Variants in NFKBIA observed in about 807,000 individuals in gnomAD.
NFKBIA encodes NFKB inhibitor alpha, also known as NF-kappa-B inhibitor alpha.
NFKBIA carries 10 observed loss-of-function variants against 36.3 expected under a neutral mutation model. The ratio of observed to expected loss-of-function variants is 0.28; its 90% CI spans 0.17 to 0.47. The LOEUF (loss-of-function observed/expected upper bound fraction) is 0.47, where lower values mean the gene tolerates loss of function less well. Ranked by LOEUF, NFKBIA falls within the 20% of genes least tolerant of loss-of-function variation. The pLI, the probability that NFKBIA is intolerant of heterozygous loss-of-function variation, is 0.99. For synonymous variants in NFKBIA, 205 were observed against 164.4 expected (o/e 1.25, Z -1.89); for missense variants, 355 against 399.3 (o/e 0.89, Z 0.94).
Position 35,404,634 on chromosome 14 carries a change from G to T in NFKBIA, c.11C>A (p.Ala4Glu). Residue 4 changes from alanine (A) to glutamate (E), a missense_variant, in exon 1 of 6, where the codon GCG becomes GAG. Transcript: ENST00000216797. ...GGCCCACTCCTGGGGGCGCTCGGCCGCCTGGAACATGGCGCGGACGAGCTG... is the reference window on the plus strand; with the variant it reads ...GGCCCACTCCTGGGGGCGCTCGGCCTCCTGGAACATGGCGCGGACGAGCTG... MFQAAERPQEWAME... is the reference protein window; with the variant it reads MFQEAERPQEWAME... 6.6e-7 allele frequency: 1 copy of T among 1,507,818 alleles called. No homozygotes were observed. Among genetic ancestry groups the T allele is most frequent in the Non-Finnish European group, 8.9e-7 (1 of 1,127,432 alleles). 93.4% of individuals were successfully genotyped at this position (1,507,818 alleles called of 1,614,324 possible).
Position 35,403,364 on chromosome 14 carries a change from C to T in NFKBIA, c.337-4G>A, listed in dbSNP as rs778736657. ...TCACAGCCAAGTGGAGTGGAGTCTA[C>T]GAATGCAAGAGAGACCAGAGAAAGT... On this transcript the variant is annotated splice_polypyrimidine_tract_variant and splice_region_variant and intron_variant, in intron 2 of 5. Transcript: ENST00000216797. 6 of 1,613,832 alleles carry T rather than the reference C, an allele frequency of 3.7e-6. No individual in the cohort carries two copies. In the South Asian group the frequency reaches 4.4e-5, roughly 12 times the overall value.
chr14:35,401,957 TAA>T lies in NFKBIA; in HGVS notation c.*54_*55del. The T allele has an allele frequency of 1.3e-6, 2 of 1,596,344 alleles. No individual in the cohort carries two copies. The highest frequency in any genetic ancestry group is 2.2e-5 in the South Asian group (2 of 89,732). ...CTTCTTTTTTCTTTTTTTAGAAAAA[TAA>T]AACTTTTTTTTTGTACAAATATACA... On this transcript the variant is annotated 3_prime_UTR_variant, in exon 6 of 6. Coordinates refer to ENST00000216797, the MANE Select transcript of NFKBIA (RefSeq NM_020529.3).
intron 3 of NFKBIA, 57 bp downstream of exon 3, chr14:35,403,093 C>A: frequency 1.9e-6 from 3 of 1,581,798 alleles, no homozygotes; most frequent in African/African-American, 2.7e-5. Flanking sequence ...CCACCTGCCC[C>A]TTCTCCACGT....
intron 1 of NFKBIA, 110 bp from the exon 2 acceptor site, chr14:35,403,908 G>C: frequency 2.5e-6 from 2 of 796,016 alleles, no homozygotes; most frequent in Non-Finnish European, 4.3e-6. Flanking sequence ...GGAGGCCGAG[G>C]CCGCGGTGTT....
chr14:35,402,178 T>C, intron 5 of NFKBIA, 118 bp from the exon 6 acceptor site: 1 of 1,318,660 alleles, frequency 7.6e-7, no homozygotes, highest in African/African-American at 1.5e-5. Flanking sequence ...ATAGCCCAAA[T>C]ATAATGAACT....
At chr14:35,404,300 C>A in intron 1 of NFKBIA, 118 bp downstream of exon 1, 1 of 700,942 alleles carries the variant, frequency 1.4e-6, no homozygotes, top group Middle Eastern at 4.6e-4. Context: ...TGCCGCGGCG[C>A]CCGCCCGGCT....
rs200864499 is a variant in NFKBIA at position 35,404,650 on chromosome 14, G to A, written c.-6C>T. 6.8e-6 allele frequency: 10 copies of A among 1,478,456 alleles called. No homozygotes were observed. In the East Asian group the frequency reaches 2.1e-4, roughly 31 times the overall value. The allele number at this position is 1,478,456 out of a possible 1,614,324, so 91.6% of individuals were successfully genotyped here. A position where few individuals can be genotyped will look rare whatever the true frequency, so the allele number is the denominator to read the frequency against. On this transcript the variant is annotated 5_prime_UTR_variant, in exon 1 of 6. Coordinates refer to ENST00000216797, the MANE Select transcript of NFKBIA (RefSeq NM_020529.3). ...CGCTCGGCCGCCTGGAACATGGCGC[G>A]GACGAGCTGCGGGCGCTGCTGCGGG...
In NFKBIA at chr14:35,402,647, C is replaced by T. The variant is rs1205585858; in HGVS notation, c.653G>A (p.Arg218Gln). ...GTCCACTGCGAGGTGAAGGGCAGTCCGGCCATTACAGGGCTCCTGAAACCA... is the reference window on the plus strand; with the variant it reads ...GTCCACTGCGAGGTGAAGGGCAGTCTGGCCATTACAGGGCTCCTGAAACCA... Reference protein sequence around the residue: ...DVNAQEPCNGRTALHLAVDLQ... With the variant: ...DVNAQEPCNGQTALHLAVDLQ... The change falls in exon 5 of 6, where the codon CGG (arginine) becomes CAG (glutamine). Residue 218 changes from arginine (R) to glutamine (Q), a missense_variant. Arg to Gln is a conservative substitution (Grantham distance 43). Coordinates refer to ENST00000216797, the MANE Select transcript of NFKBIA (RefSeq NM_020529.3). 3 of 1,614,078 alleles carry T rather than the reference C, an allele frequency of 1.9e-6. No individual in the cohort carries two copies. Among genetic ancestry groups the T allele is most frequent in the South Asian group, 1.1e-5 (1 of 91,086 alleles).
intron 2 of NFKBIA, 157 bp downstream of exon 2, chr14:35,403,533 G>T: frequency 1.1e-6 from 1 of 883,788 alleles, no homozygotes; most frequent in South Asian, 1.4e-5. Flanking sequence ...CAAATCAGTG[G>T]AATTTCCTTC....
Position 35,403,562 on chromosome 14 carries a change from T to C in NFKBIA, c.336+128A>G, listed in dbSNP as rs932933484. ...TTCCTTCACTCTCTAGGATGTGGGC[T>C]GATGTGAAGTAAAAGGTGAGGGTAA... On this transcript the variant is annotated intron_variant, in intron 2 of 5. Coordinates refer to ENST00000216797, the MANE Select transcript of NFKBIA (RefSeq NM_020529.3). 7 of 867,020 alleles carry C rather than the reference T, an allele frequency of 8.1e-6. No individual in the cohort carries two copies. The African/African-American group carries it at 1.2e-4, about 14-fold the overall frequency. The allele number at this position is 867,020 out of a possible 1,614,324, so 53.7% of individuals were successfully genotyped here.
rs2052727944 is a variant in NFKBIA, at chr14:35,401,749, A to G, written c.*264T>C. The G allele has an allele frequency of 7.5e-6, 4 of 532,366 alleles. No homozygotes were observed. The East Asian group carries it at 9.4e-5, about 12-fold the overall frequency. The allele number at this position is 532,366 out of a possible 1,614,324, so 33.0% of individuals were successfully genotyped here. On this transcript the variant is annotated 3_prime_UTR_variant, in exon 6 of 6. Coordinates refer to ENST00000216797, the MANE Select transcript of NFKBIA (RefSeq NM_020529.3). ...TGGTCCTTCCATGAAATTTTTGATA[A>G]CCTTCTCCAAAAACCCCACAAAGGT...
intron 1 of NFKBIA, 190 bp from the exon 2 acceptor site, chr14:35,403,988 C>T: frequency 1.6e-6 from 1 of 607,312 alleles, no homozygotes; most frequent in South Asian, 1.8e-5. Context: ...CCTCCCCCCG[C>T]GGCCCCGGCG....
chr14:35,402,246 G>C, intron 5 of NFKBIA, 148 bp downstream of exon 5: 1 of 342,582 alleles, frequency 2.9e-6, no homozygotes, highest in Non-Finnish European at 4.9e-6. Context: ...GGGGGGGCAG[G>C]TACATTCTTG....
Position 35,403,238 on chromosome 14 carries a change from C to T in NFKBIA, c.459G>A (p.Glu153=), listed in dbSNP as rs1432047580. 2 of 1,613,060 alleles carry T rather than the reference C, an allele frequency of 1.2e-6. No homozygotes were observed. Among genetic ancestry groups the T allele is most frequent in the East Asian group, 4.5e-5 (2 of 44,892 alleles). The change falls in exon 3 of 6, where the codon GAG becomes GAA. Residue 153 remains glutamate (E), a synonymous_variant. Coordinates refer to ENST00000216797, the MANE Select transcript of NFKBIA (RefSeq NM_020529.3). ...CTCCCACGCTGGCCAGGCAGCCCTG[C>T]TCACAGGCAAGGTGTAGGGGGGTAT... ...RGNTPLHLAC[E]QGCLASVGVL... is the part of the protein sequence containing the mutation.
At position 35,403,742 on chromosome 14, in the gene NFKBIA, C is replaced by A; in HGVS notation, c.284G>T (p.Arg95Leu). Residue 95 changes from arginine to leucine, a missense_variant, in exon 2 of 6, where the codon CGC (arginine) becomes CTC (leucine). Transcript: ENST00000216797. The stretch of plus-strand genomic sequence containing the variant: ...GAAGGCCAGGTCTCCCTTCACCTGG[C>A]GGATCACTTCCATGGTCAGTGCCTT... Reference protein sequence around the residue: ...EEKALTMEVIRQVKGDLAFLN... With the variant: ...EEKALTMEVILQVKGDLAFLN... 2 of 1,614,022 alleles carry A rather than the reference C, an allele frequency of 1.2e-6. No homozygotes were observed. The highest frequency in any genetic ancestry group is 1.7e-6 in the Non-Finnish European group (2 of 1,179,982).
chr14:35,404,050 T>C (rs2138833339), intron 1 of NFKBIA: 1 of 514,922 alleles, frequency 1.9e-6, no homozygotes, highest in Non-Finnish European at 3.5e-6. Flanking sequence ...GCCCTGTACT[T>C]CCCCTCCCGG....
At position 35,401,932 on chromosome 14, in the gene NFKBIA, CT is replaced by C. The variant is rs1566589599; in HGVS notation, c.*80del. The C allele has an allele frequency of 7.7e-7, 1 of 1,294,432 alleles. No homozygotes were observed. The highest frequency in any genetic ancestry group is 4.2e-5 in the East Asian group (1 of 23,958). 80.2% of individuals were successfully genotyped at this position (1,294,432 alleles called of 1,614,324 possible). Reference sequence around the variant, plus strand: ...TATAAGTACACCCTTTAAATTTTTTCTTCTTTTTTCTTTTTTTAGAAAAATA... The same window carrying C: ...TATAAGTACACCCTTTAAATTTTTTCTCTTTTTTCTTTTTTTAGAAAAATA... On this transcript the variant is annotated 3_prime_UTR_variant, in exon 6 of 6. Coordinates refer to ENST00000216797, the MANE Select transcript of NFKBIA (RefSeq NM_020529.3).
intron 5 of NFKBIA, 129 bp downstream of exon 5, chr14:35,402,261 ACTGG>A: frequency 2.7e-6 from 2 of 738,226 alleles, no homozygotes; most frequent in Admixed American, 4.8e-5. Context: ...TTCTTGGGAT[ACTGG>A]TTATGCACAG....
At chr14:35,403,975 C>T (rs2052758794) in intron 1 of NFKBIA, 177 bp from the exon 2 acceptor site, 2 of 624,968 alleles carry the variant, frequency 3.2e-6, no homozygotes, top group South Asian at 3.5e-5. Context: ...GACTTTCCGC[C>T]CCCCTCCCCC....
Sources: allele counts gnomAD v4.1 joint callset, GRCh38; gene constraint gnomAD v4.1.1; transcripts MANE v1.5; gene names NCBI Gene and HGNC (gene_info 2026-07-23, HGNC 2026-07-21).